POMT1: variants seen among roughly 807,000 people sequenced by gnomAD.
POMT1 encodes protein O-mannosyl-transferase 1.
POMT1 carries 85 observed loss-of-function variants against 101.6 expected under a neutral mutation model. The observed-to-expected ratio is 0.84, with a 90% CI of 0.70 to 1.00. The LOEUF is 1.00. POMT1 is among the 50% of genes least tolerant of loss of function. The pLI is 0.00. For synonymous variants in POMT1, 371 were observed against 383.0 expected (o/e 0.97, Z 0.37); for missense variants, 857 against 930.4 (o/e 0.92, Z 1.03).
At chr9:131,513,152 G>A in intron 11 of POMT1, 87 bp from the exon 12 acceptor site, 1 of 1,152,790 alleles carries the variant, frequency 8.7e-7, no homozygotes, top group Non-Finnish European at 1.3e-6. Flanking sequence ...TCTCAGCCAT[G>A]AGAATTCAGA....
rs974616394 is a variant in POMT1 at position 131,519,852 on chromosome 9, C to A, written c.1585-228C>A. 6.6e-6 allele frequency among the ~76,000 whole-genome samples: 1 copy of A among 152,196 alleles called. No homozygotes were observed. Among genetic ancestry groups the A allele is most frequent in the Admixed American group, 6.5e-5 (1 of 15,272 alleles). On this transcript the variant is annotated intron_variant, in intron 16 of 19. Coordinates refer to ENST00000402686, the MANE Select transcript of POMT1 (RefSeq NM_001077365.2). This position sits in a 1 kb window ranked among gnomAD's most constrained non-coding sequence, Gnocchi z 4.3. ...TAGAGAGCATTCAGCCCAATCACTT[C>A]GTCTACAGAGGAGGTAACTGGAGCA...
chr9:131,519,652 T>A lies in POMT1; in HGVS notation c.1584+166T>A, dbSNP rs778305388. Among the ~76,000 whole-genome samples, 1 of 152,180 alleles carries A rather than the reference T, an allele frequency of 6.6e-6. No homozygotes were observed. Among genetic ancestry groups the A allele is most frequent in the Non-Finnish European group, 1.5e-5 (1 of 68,026 alleles). On this transcript the variant is annotated intron_variant, in intron 16 of 19. Transcript: ENST00000402686. This position sits in a 1 kb window ranked among gnomAD's most constrained non-coding sequence, Gnocchi z 4.3. ...TCTCTCCAGTGTAAGGGACTGTGTGTGACACCCCTGGCCCACACCTTGTGG... is the reference window on the plus strand; with the variant it reads ...TCTCTCCAGTGTAAGGGACTGTGTGAGACACCCCTGGCCCACACCTTGTGG...
intron 13 of POMT1, 71 bp from the exon 14 acceptor site, chr9:131,518,374 A>G: frequency 8.1e-7 from 1 of 1,240,656 alleles, no homozygotes; most frequent in South Asian, 1.2e-5. Context: ...TTGTTTGGTG[A>G]CAGGTCTTTA....
chr9:131,519,552 G>A lies in POMT1; in HGVS notation c.1584+66G>A, dbSNP rs1195738773. 1 of 1,466,414 alleles carries A rather than the reference G, an allele frequency of 6.8e-7. No homozygotes were observed. The highest frequency in any genetic ancestry group is 2.5e-5 in the East Asian group (1 of 40,574). 90.8% of individuals were successfully genotyped at this position (1,466,414 alleles called of 1,614,324 possible). On this transcript the variant is annotated intron_variant, in intron 16 of 19. Coordinates refer to ENST00000402686, the MANE Select transcript of POMT1 (RefSeq NM_001077365.2). The surrounding 1 kb of genome is among the most constrained non-coding windows in gnomAD (Gnocchi z 4.3). ...ATTGACTCCTCAGCAGGGAGGCCTG[G>A]GGGCTGCACAGGACTCAAACCAGAG...
At position 131,519,477 on chromosome 9, in the gene POMT1, G is replaced by A. The variant is rs753468585; in HGVS notation, c.1575G>A (p.Ser525=). Residue 525 remains serine (S), a synonymous_variant, in exon 16 of 20, where the codon TCG becomes TCA. Transcript: ENST00000402686. This position sits in a 1 kb window ranked among gnomAD's most constrained non-coding sequence, Gnocchi z 4.3. Reference sequence around the variant, plus strand: ...ACCTCAGCTTCATGGCGAGATTCTCGGAGCTGCAGGTGAGGAGCGGCCAGG... The same window carrying A: ...ACCTCAGCTTCATGGCGAGATTCTCAGAGCTGCAGGTGAGGAGCGGCCAGG... ...SRNLSFMARF[S]ELQWRMLALR... The A allele has an allele frequency of 3.5e-5, 55 of 1,550,182 alleles. No individual in the cohort carries two copies. The highest frequency in any genetic ancestry group is 4.7e-5 in the Non-Finnish European group (54 of 1,146,984).
intron 10 of POMT1, 161 bp from the exon 11 acceptor site, chr9:131,511,879 CT>C: frequency 1.4e-6 from 1 of 724,516 alleles, no homozygotes. Flanking sequence ...CCTTTCTTTT[CT>C]TTTTCTCATA....
At chr9:131,509,374 C>T (rs1165046049) in intron 6 of POMT1, among the ~76,000 whole-genome samples, 1 of 152,174 alleles carries the variant, frequency 6.6e-6, no homozygotes, top group Non-Finnish European at 1.5e-5. Context: ...TGGTCTCAAA[C>T]TCCTGACCTC....
rs954327472 is a variant in POMT1 at position 131,503,777 on chromosome 9, C to T, written c.-30-412C>T. On this transcript the variant is annotated intron_variant, in intron 1 of 19. Coordinates refer to ENST00000402686, the MANE Select transcript of POMT1 (RefSeq NM_001077365.2). This position sits in a 1 kb window ranked among gnomAD's most constrained non-coding sequence, Gnocchi z 4.4. ...AGATGAGGAGGCCCCGAGGCTCGGC[C>T]AGGTTGGGGTCCCTGGGCTGTAAGC... Among the ~76,000 whole-genome samples the T allele has an allele frequency of 3.3e-5, 5 of 152,140 alleles. No individual in the cohort carries two copies. Among genetic ancestry groups the T allele is most frequent in the South Asian group, 2.1e-4 (1 of 4,828 alleles).
chr9:131,516,791 G>A (rs1160191086), intron 13 of POMT1: 2 of 152,266 alleles, frequency 1.3e-5, no homozygotes, highest in Admixed American at 6.5e-5. Flanking sequence ...CCTGAACACA[G>A]GACACGAGCT....
intron 9 of POMT1, chr9:131,511,016 C>CATTGAAAA: frequency 3.5e-6 from 1 of 286,060 alleles, no homozygotes; most frequent in Non-Finnish European, 6.6e-6. Flanking sequence ...TTGTTTGGCT[C>CATTGAAAA]ACCCTAGTCT....
At chr9:131,515,392 G>A (rs1948084035) in intron 12 of POMT1, 34 bp from the exon 13 acceptor site, 2 of 1,603,760 alleles carry the variant, frequency 1.2e-6, no homozygotes, top group African/African-American at 1.3e-5. Context: ...AGGAGTTCAA[G>A]GAATTTTCTG....
rs1215098889 is a variant in POMT1 at position 131,522,708 on chromosome 9, A to G, written c.2004-224A>G. On this transcript the variant is annotated intron_variant, in intron 19 of 19. Coordinates refer to ENST00000402686, the MANE Select transcript of POMT1 (RefSeq NM_001077365.2). This position sits in a 1 kb window ranked among gnomAD's most constrained non-coding sequence, Gnocchi z 5.5. ...GACCAGTCCTCTGGCATCTGTGTGGAGGTGGCCCAGCCACTGTGGAGGCCT... is the reference window on the plus strand; with the variant it reads ...GACCAGTCCTCTGGCATCTGTGTGGGGGTGGCCCAGCCACTGTGGAGGCCT... Among the ~76,000 whole-genome samples, 9 of 152,094 alleles carry G rather than the reference A, an allele frequency of 5.9e-5. No individual in the cohort carries two copies. The highest frequency in any genetic ancestry group is 1.3e-4 in the Non-Finnish European group (9 of 67,990).
rs913615325 is a variant in POMT1 at position 131,523,787 on chromosome 9, G to T, written c.*681G>T. 1.3e-5 allele frequency: 2 copies of T among 153,088 alleles called. No homozygotes were observed. Among genetic ancestry groups the T allele is most frequent in the Non-Finnish European group, 2.9e-5 (2 of 68,702 alleles). 9.5% of individuals were successfully genotyped at this position (153,088 alleles called of 1,614,324 possible). On this transcript the variant is annotated 3_prime_UTR_variant, in exon 20 of 20. Transcript: ENST00000402686. ...GTCTTTTTTAAATGTAATTAAAAAA[G>T]GAACCAACTGGCGTTTGTAGTTGGT... is the stretch of plus-strand genomic sequence containing the variant.
At chr9:131,515,723 C>T (rs1948212709) in intron 13 of POMT1, among the ~76,000 whole-genome samples, 1 of 140,726 alleles carries the variant, frequency 7.1e-6, no homozygotes, top group South Asian at 2.3e-4. Flanking sequence ...TCACACGGAG[C>T]ACTTCCTGTA....
At chr9:131,517,590 T>A (rs1948979317) in intron 13 of POMT1, among the ~76,000 whole-genome samples, 1 of 152,110 alleles carries the variant, frequency 6.6e-6, no homozygotes, top group African/African-American at 2.4e-5. Context: ...GCTGTTCCAT[T>A]TTTGTGCAGA....
intron 4 of POMT1, 89 bp from the exon 5 acceptor site, chr9:131,507,279 A>G (rs1946061976): frequency 1.3e-6 from 2 of 1,592,788 alleles, no homozygotes; most frequent in Admixed American, 3.3e-5. Flanking sequence ...GTCTGTGAAC[A>G]TGACGGCGCT....
At chr9:131,517,569 G>T (rs1176193119) in intron 13 of POMT1, among the ~76,000 whole-genome samples, 1 of 152,166 alleles carries the variant, frequency 6.6e-6, no homozygotes, top group African/African-American at 2.4e-5. Context: ...GTGAGCCACT[G>T]CTCCAGATTG....
rs1186483078 is a variant in POMT1 at position 131,504,354 on chromosome 9, C to T, written c.122+14C>T. 1 of 1,614,060 alleles carries T rather than the reference C, an allele frequency of 6.2e-7. No individual in the cohort carries two copies. The highest frequency in any genetic ancestry group is 8.5e-7 in the Non-Finnish European group (1 of 1,180,042). ...GCGGGCTGTGGTGTAAGCTAAATGACTCCATTCCCAGGGTGAATCTAGAAT... is the reference window on the plus strand; with the variant it reads ...GCGGGCTGTGGTGTAAGCTAAATGATTCCATTCCCAGGGTGAATCTAGAAT... On this transcript the variant is annotated intron_variant, in intron 2 of 19. Transcript: ENST00000402686.
At chr9:131,515,593 C>T (rs1948139101) in intron 13 of POMT1, 71 bp downstream of exon 13, 1 of 1,388,096 alleles carries the variant, frequency 7.2e-7, no homozygotes, top group Non-Finnish European at 1.0e-6. Flanking sequence ...AGCACTTCCT[C>T]ACCCGGAGCA....
Sources: allele counts gnomAD v4.1 joint callset (sites outside exome capture counted in the v4.1 genomes callset), GRCh38; gene constraint gnomAD v4.1.1; non-coding constraint Gnocchi (gnomAD v3.1); transcripts MANE v1.5; gene names NCBI Gene and HGNC (gene_info 2026-07-23, HGNC 2026-07-21).